Variants in ADARB2 observed in about 807,000 individuals in gnomAD.
The protein encoded by ADARB2 is inactive double-stranded RNA-specific editase B2.
Under a neutral mutation model 62.2 loss-of-function variants are expected in ADARB2, and 25 were observed. That is an observed-to-expected ratio of 0.40 (90% CI 0.29 to 0.56). The LOEUF is 0.56. Ranked by LOEUF, ADARB2 falls within the 20% of genes least tolerant of loss-of-function variation. The pLI, the probability that ADARB2 is intolerant of heterozygous loss-of-function variation, is 0.43. For synonymous variants in ADARB2, 572 were observed against 500.8 expected, an observed-to-expected ratio of 1.14 and a Z score of -1.90; for missense variants, 1,071 against 1,077.4, an observed-to-expected ratio of 0.99 and a Z score of 0.08.
At chr10:1,458,228 A>T (rs2820635) in intron 1 of ADARB2, among the ~76,000 whole-genome samples, 1 of 151,484 alleles carries the variant, frequency 6.6e-6, no homozygotes, top group South Asian at 2.1e-4. Flanking sequence ...AACAGCGTGC[A>T]CCCACATTTA....
intron 1 of ADARB2, among the ~76,000 whole-genome samples, chr10:1,472,336 G>C (rs11250553): frequency 0.39 from 58,793 of 152,148 alleles, 12,402 homozygotes; most frequent in South Asian, 0.56. Flanking sequence ...GCGGCTCAGG[G>C]GTCAGCCAGG....
At chr10:1,647,123 T>G (rs1419914512) in intron 1 of ADARB2, among the ~76,000 whole-genome samples, 1 of 152,274 alleles carries the variant, frequency 6.6e-6, no homozygotes, top group Non-Finnish European at 1.5e-5. Flanking sequence ...TTTAAAAAGA[T>G]GCATTACTGC....
At chr10:1,367,291 T>A (rs1588234302) in intron 2 of ADARB2, among the ~76,000 whole-genome samples, 1 of 152,332 alleles carries the variant, frequency 6.6e-6, no homozygotes, top group Non-Finnish European at 1.5e-5. Flanking sequence ...TTGAAAGTGC[T>A]CTCTGTTTGC....
chr10:1,378,993 T>C (rs1382108743), intron 2 of ADARB2, 81 bp downstream of exon 2: 1 of 1,209,994 alleles, frequency 8.3e-7, no homozygotes, highest in Non-Finnish European at 1.2e-6. Context: ...CCCAGGTATC[T>C]CAGGTTTTGG....
intron 3 of ADARB2, among the ~76,000 whole-genome samples, chr10:1,301,126 C>T (rs1019408312): frequency 1.7e-4 from 26 of 152,202 alleles, no homozygotes; most frequent in African/African-American, 4.8e-4. Context: ...AATTACGGAA[C>T]GCTTTCTTGT....
intron 1 of ADARB2, among the ~76,000 whole-genome samples, chr10:1,476,531 G>A (rs563831182): frequency 1.3e-5 from 2 of 152,210 alleles, no homozygotes; most frequent in Non-Finnish European, 2.9e-5. Flanking sequence ...AGGCCTGAAC[G>A]CATCTGCCAG....
At chr10:1,510,849 C>T (rs533117469) in intron 1 of ADARB2, among the ~76,000 whole-genome samples, 81 of 152,104 alleles carry the variant, frequency 5.3e-4, no homozygotes, top group African/African-American at 1.9e-3. Flanking sequence ...ACTCTCAATT[C>T]CAAAGCTCTC....
chr10:1,715,815 G>T (rs1007775301), intron 1 of ADARB2, among the ~76,000 whole-genome samples: 2 of 152,226 alleles, frequency 1.3e-5, no homozygotes, highest in South Asian at 2.1e-4. Flanking sequence ...GCACAGTTAG[G>T]CAATGGCCTC....
chr10:1,565,085 C>T (rs906544691), intron 1 of ADARB2, among the ~76,000 whole-genome samples: 5 of 152,224 alleles, frequency 3.3e-5, no homozygotes, highest in Non-Finnish European at 5.9e-5. Flanking sequence ...GATACCATTC[C>T]TGTCCTTCTG....
chr10:1,502,406 G>C (rs1251474396), intron 1 of ADARB2, among the ~76,000 whole-genome samples: 2 of 152,196 alleles, frequency 1.3e-5, no homozygotes, highest in Non-Finnish European at 2.9e-5. Flanking sequence ...ACACATCCTT[G>C]GTCTCTCAAA....
chr10:1,227,733 C>G (rs1336934547), intron 6 of ADARB2, among the ~76,000 whole-genome samples: 1 of 152,070 alleles, frequency 6.6e-6, no homozygotes, highest in East Asian at 1.9e-4. Context: ...GGAGAGAGAG[C>G]ACCAAAAATG....
intron 1 of ADARB2, among the ~76,000 whole-genome samples, chr10:1,541,301 C>T (rs71500130): frequency 1.3e-3 from 30 of 22,348 alleles, no homozygotes; most frequent in East Asian, 2.3e-3. Flanking sequence ...CACTCAGACG[C>T]AGTTCAGACC....
intron 1 of ADARB2, chr10:1,676,104 G>A (rs1446521932): frequency 1.0e-6 from 1 of 982,230 alleles, no homozygotes; most frequent in Non-Finnish European, 1.2e-6. Context: ...AGGTTTGCAG[G>A]CATATTAGGA....
chr10:1,232,426 T>A (rs925064802), intron 6 of ADARB2, among the ~76,000 whole-genome samples: 1 of 148,726 alleles, frequency 6.7e-6, no homozygotes, highest in Non-Finnish European at 1.5e-5. Flanking sequence ...GTGGTATATG[T>A]GGTGTGTGTT....
intron 1 of ADARB2, among the ~76,000 whole-genome samples, chr10:1,647,521 G>A (rs1564357389): frequency 6.6e-6 from 1 of 152,076 alleles, no homozygotes; most frequent in African/African-American, 2.4e-5. Flanking sequence ...CTGCATATAT[G>A]CATGCATGTG....
intron 1 of ADARB2, among the ~76,000 whole-genome samples, chr10:1,444,312 C>CCCA (rs1564290584): frequency 1.4e-5 from 1 of 72,276 alleles, no homozygotes; most frequent in East Asian, 3.8e-4. Flanking sequence ...CATCCATCCA[C>CCCA]TCATTCATCC....
chr10:1,221,402 C>T (rs933955108), intron 6 of ADARB2, among the ~76,000 whole-genome samples: 1 of 145,680 alleles, frequency 6.9e-6, no homozygotes, highest in African/African-American at 2.5e-5. Flanking sequence ...ATGCTCATTT[C>T]TTTTTTTTTT....
chr10:1,331,537 T>C (rs1418256330), intron 3 of ADARB2, among the ~76,000 whole-genome samples: 1 of 152,176 alleles, frequency 6.6e-6, no homozygotes, highest in Non-Finnish European at 1.5e-5. Flanking sequence ...ATGTCCAGAA[T>C]AGGCAAATCA....
intron 1 of ADARB2, among the ~76,000 whole-genome samples, chr10:1,537,822 G>A (rs1342465140): frequency 6.6e-6 from 1 of 152,102 alleles, no homozygotes; most frequent in Non-Finnish European, 1.5e-5. Context: ...GGGGGTGAGG[G>A]GTGAGGGGAG....
Sources: allele counts gnomAD v4.1 joint callset (sites outside exome capture counted in the v4.1 genomes callset), GRCh38; gene constraint gnomAD v4.1.1; transcripts MANE v1.5; gene names NCBI Gene and HGNC (gene_info 2026-07-23, HGNC 2026-07-21).